Variants in SLCO6A1 observed in about 807,000 individuals in gnomAD.
The protein encoded by SLCO6A1 is cancer/testis antigen 48.
Under a neutral mutation model 72.7 loss-of-function variants are expected in SLCO6A1, and 65 were observed. The ratio of observed to expected loss-of-function variants is 0.89; its 90% confidence interval spans 0.73 to 1.10. The LOEUF (loss-of-function observed/expected upper bound fraction) is 1.10. Ranked by LOEUF, SLCO6A1 falls within the 50% of genes least tolerant of loss-of-function variation. The pLI is 0.00. For missense variants in SLCO6A1, 874 were observed against 872.6 expected (o/e 1.00, Z -0.02); for synonymous variants, 314 against 298.2 (o/e 1.05, Z -0.55).
intron 9 of SLCO6A1, among the ~76,000 whole-genome samples, chr5:102,405,783 A>C (rs1038457655): frequency 6.6e-6 from 1 of 152,108 alleles, no homozygotes; most frequent in Non-Finnish European, 1.5e-5. Context: ...CATTATTTTC[A>C]TAAGATATTT....
At chr5:102,456,673 C>G (rs536748941) in intron 6 of SLCO6A1, among the ~76,000 whole-genome samples, 141 of 152,282 alleles carry the variant, frequency 9.3e-4, no homozygotes, top group African/African-American at 3.1e-3. Flanking sequence ...AATGGCCATA[C>G]TGCCCAAGGT....
intron 6 of SLCO6A1, among the ~76,000 whole-genome samples, chr5:102,448,720 G>C (rs76343169): frequency 0.023 from 3,516 of 152,174 alleles, 138 homozygotes; most frequent in African/African-American, 0.08. Context: ...CCACTTGCTT[G>C]ATAGATATTT....
chr5:102,481,676 A>C (rs1456322537), intron 1 of SLCO6A1, among the ~76,000 whole-genome samples: 1 of 152,180 alleles, frequency 6.6e-6, no homozygotes, highest in Non-Finnish European at 1.5e-5. Context: ...TTTCATATCA[A>C]ATAAGTAGCA....
At chr5:102,445,398 G>C (rs1398984848) in intron 6 of SLCO6A1, among the ~76,000 whole-genome samples, 3 of 152,144 alleles carry the variant, frequency 2.0e-5, no homozygotes. Flanking sequence ...AAAAGTGTCT[G>C]TTTATGTCCT....
At chr5:102,420,214 G>C (rs2112614019) in intron 7 of SLCO6A1, among the ~76,000 whole-genome samples, 193 bp from the exon 8 acceptor site, 1 of 152,230 alleles carries the variant, frequency 6.6e-6, no homozygotes, top group East Asian at 1.9e-4. Flanking sequence ...CTGTCAGCAG[G>C]GCTGAAGCCA....
chr5:102,422,589 G>T (rs1026273803), intron 7 of SLCO6A1, among the ~76,000 whole-genome samples: 1 of 152,080 alleles, frequency 6.6e-6, no homozygotes, highest in Non-Finnish European at 1.5e-5. Context: ...AGAATGAAAA[G>T]GAATGAACAA....
chr5:102,438,738 G>C lies in SLCO6A1; in HGVS notation c.1155C>G (p.Leu385=). ...ALWILMKNPV[L]ICLALSKATE... ...TAGCTTTTGACAGAGCTAGGCATAT[G>C]AGCACTGGATTCTTCATCAGAATCT... The change falls in exon 7 of 14, where the codon CTC becomes CTG. Residue 385 remains leucine (L), a synonymous_variant. Transcript: ENST00000506729. 6.4e-7 allele frequency: 1 copy of C among 1,563,998 alleles called. No homozygotes were observed. Among genetic ancestry groups the C allele is most frequent in the Non-Finnish European group, 8.6e-7 (1 of 1,160,952 alleles).
intron 12 of SLCO6A1, among the ~76,000 whole-genome samples, chr5:102,374,201 C>T (rs1303341762): frequency 3.9e-5 from 6 of 151,978 alleles, no homozygotes; most frequent in East Asian, 1.9e-4. Flanking sequence ...TTTGTAGAGA[C>T]GGGGTTTTGC....
At chr5:102,451,711 A>G (rs930717633) in intron 6 of SLCO6A1, among the ~76,000 whole-genome samples, 2 of 152,150 alleles carry the variant, frequency 1.3e-5, no homozygotes, top group Non-Finnish European at 2.9e-5. Flanking sequence ...CAGGTGGGCA[A>G]CTGTCCTGTC....
intron 12 of SLCO6A1, among the ~76,000 whole-genome samples, chr5:102,381,575 C>A (rs1231214695): frequency 2.0e-5 from 3 of 151,718 alleles, no homozygotes; most frequent in Non-Finnish European, 4.4e-5. Context: ...GATTTCATTA[C>A]CTTTGGATAT....
chr5:102,440,163 T>C (rs1267353763), intron 6 of SLCO6A1, among the ~76,000 whole-genome samples: 3 of 152,138 alleles, frequency 2.0e-5, no homozygotes, highest in African/African-American at 7.2e-5. Flanking sequence ...CAAAAAACTA[T>C]AGAGCAAACA....
chr5:102,484,254 C>T (rs1309779487), intron 1 of SLCO6A1, among the ~76,000 whole-genome samples: 1 of 152,174 alleles, frequency 6.6e-6, no homozygotes, highest in Admixed American at 6.5e-5. Flanking sequence ...CAAGCCCAAT[C>T]ATGTCAGACA....
At chr5:102,475,661 A>G (rs1751856714) in intron 4 of SLCO6A1, 36 bp downstream of exon 4, 8 of 1,398,538 alleles carry the variant, frequency 5.7e-6, no homozygotes, top group African/African-American at 4.3e-5. Flanking sequence ...AGTATTTTAT[A>G]CAATGTAAAC....
chr5:102,386,317 C>T (rs527642294), intron 12 of SLCO6A1, among the ~76,000 whole-genome samples: 140 of 152,208 alleles, frequency 9.2e-4, no homozygotes, highest in African/African-American at 2.8e-3. Flanking sequence ...TTGTGGGGGC[C>T]AACCTCAAGC....
chr5:102,390,857 G>T, intron 11 of SLCO6A1, 124 bp downstream of exon 11: 1 of 739,076 alleles, frequency 1.4e-6, no homozygotes. Context: ...CTGCAAAGCA[G>T]CTCCCCCTTT....
intron 12 of SLCO6A1, among the ~76,000 whole-genome samples, chr5:102,382,674 T>C (rs549142159): frequency 2.0e-5 from 3 of 151,650 alleles, no homozygotes; most frequent in South Asian, 2.1e-4. Flanking sequence ...CAATCTCTTA[T>C]GATTTTCAAC....
chr5:102,462,610 A>G lies in SLCO6A1; in HGVS notation c.900-2833T>C, dbSNP rs150862826. On this transcript the variant is annotated intron_variant, in intron 4 of 13. Coordinates refer to ENST00000506729, the MANE Select transcript of SLCO6A1 (RefSeq NM_173488.5). ...TACTTGCAACCAACTGAACTTTGAC[A>G]AAGCAAACAAAAATTTTAATCGGGG... 2.1e-3 allele frequency among the ~76,000 whole-genome samples: 317 copies of G among 152,326 alleles called. 3 individuals carry two copies. Among genetic ancestry groups the G allele is most frequent in the African/African-American group, 7.2e-3 (301 of 41,574 alleles).
Position 102,373,431 on chromosome 5 carries a change from C to T in SLCO6A1, c.2081G>A (p.Arg694His), listed in dbSNP as rs539137924. 3.7e-5 allele frequency: 59 copies of T among 1,576,556 alleles called. No individual in the cohort carries two copies. The highest frequency in any genetic ancestry group is 3.0e-4 in the South Asian group (25 of 83,022). The change falls in exon 13 of 14, where the codon CGT becomes CAT. Residue 694 changes from arginine (R) to histidine (H), a missense_variant. Coordinates refer to ENST00000506729, the MANE Select transcript of SLCO6A1 (RefSeq NM_173488.5). Reference sequence around the variant, plus strand: ...TGGGAAGTCAGTGTTCTCATTTAGACGACGTTTGTATATGAAAAATGCAAT... The same window carrying T: ...TGGGAAGTCAGTGTTCTCATTTAGATGACGTTTGTATATGAAAAATGCAAT... ...TTIAFFIYKR[R>H]LNENTDFPDV...
chr5:102,479,330 G>A (rs953310508), intron 2 of SLCO6A1, among the ~76,000 whole-genome samples: 3 of 151,986 alleles, frequency 2.0e-5, no homozygotes, highest in Admixed American at 2.0e-4. Flanking sequence ...TCCTGTACAG[G>A]CTGCAGAACT....
Sources: gnomAD v4.1 joint callset for allele counts (sites outside exome capture counted in the v4.1 genomes callset) on GRCh38, gnomAD v4.1.1 for gene constraint, MANE v1.5 for transcripts, NCBI Gene and HGNC (gene_info 2026-07-23, HGNC 2026-07-21) for gene names.